MACROD2: variants seen among roughly 807,000 people sequenced by gnomAD.
MACROD2 encodes the protein ADP-ribose glycohydrolase MACROD2.
MACROD2 carries 36 observed loss-of-function variants against 70.4 expected under a neutral mutation model. That is an observed-to-expected ratio of 0.51 (90% confidence interval 0.39 to 0.68). The LOEUF is 0.68. Among genes scored for constraint, MACROD2 ranks in the 30% least tolerant of loss-of-function variants. The pLI is 0.00. For missense variants in MACROD2, 496 were observed against 538.4 expected (o/e 0.92, Z 0.78); for synonymous variants, 172 against 178.8 (o/e 0.96, Z 0.30).
In MACROD2 at chr20:15,124,472, T is replaced by A. The variant is rs1338040435; in HGVS notation, c.419-105468T>A. 2.6e-5 allele frequency among the ~76,000 whole-genome samples: 4 copies of A among 151,748 alleles called. 1 individual carries two copies. The highest frequency in any genetic ancestry group is 5.9e-5 in the Non-Finnish European group (4 of 67,852). ...TTATGTTCTATGAAATGCATATAGA[T>A]TAAGGGAAACTATATATAGCCAACC... is the stretch of plus-strand genomic sequence containing the variant. On this transcript the variant is annotated intron_variant, in intron 5 of 17. Coordinates refer to ENST00000684519, the MANE Select transcript of MACROD2 (RefSeq NM_001351661.2).
chr20:14,755,983 A>C (rs2071935347), intron 5 of MACROD2, among the ~76,000 whole-genome samples: 1 of 152,002 alleles, frequency 6.6e-6, no homozygotes, highest in Admixed American at 6.6e-5. Context: ...AGGGGGGCAA[A>C]ATTTCATTAA....
intron 3 of MACROD2, among the ~76,000 whole-genome samples, chr20:14,388,051 C>T (rs1453933217): frequency 1.3e-5 from 2 of 149,422 alleles, no homozygotes; most frequent in Non-Finnish European, 3.0e-5. Flanking sequence ...GCTCAGTCAC[C>T]CAGGCTGGAG....
At chr20:15,151,043 G>A (rs1047174698) in intron 5 of MACROD2, among the ~76,000 whole-genome samples, 16 of 152,120 alleles carry the variant, frequency 1.1e-4, no homozygotes, top group East Asian at 3.9e-4. Flanking sequence ...AAAGCTCGGC[G>A]TCCACGATGG....
chr20:15,745,023 C>G (rs2051161754), intron 8 of MACROD2, among the ~76,000 whole-genome samples: 1 of 152,080 alleles, frequency 6.6e-6, no homozygotes, highest in African/African-American at 2.4e-5. Context: ...TGGGGACTTT[C>G]CCCAGTCAAT....
intron 8 of MACROD2, among the ~76,000 whole-genome samples, chr20:15,512,632 G>A (rs993109173): frequency 3.9e-5 from 6 of 152,092 alleles, no homozygotes; most frequent in Non-Finnish European, 8.8e-5. Context: ...TAAGCATAGC[G>A]GCAAGAGATG....
At chr20:15,593,837 A>G (rs1412547462) in intron 8 of MACROD2, among the ~76,000 whole-genome samples, 1 of 152,182 alleles carries the variant, frequency 6.6e-6, no homozygotes, top group Non-Finnish European at 1.5e-5. Context: ...TGTTTGTACC[A>G]CACACAATAA....
chr20:16,039,775 G>T (rs1454177691), intron 15 of MACROD2, among the ~76,000 whole-genome samples: 2 of 151,926 alleles, frequency 1.3e-5, no homozygotes, highest in Non-Finnish European at 2.9e-5. Flanking sequence ...CCAGTTGGAA[G>T]TTCCAAGTTT....
chr20:14,394,641 G>A (rs566198517), intron 3 of MACROD2, among the ~76,000 whole-genome samples: 6 of 152,184 alleles, frequency 3.9e-5, no homozygotes, highest in Middle Eastern at 3.4e-3. Flanking sequence ...GAATAGCAGC[G>A]GTGTGAGGAG....
In MACROD2 at chr20:14,150,608, A is replaced by G. The variant is rs182490983; in HGVS notation, c.271+64880A>G. 8.5e-5 allele frequency among the ~76,000 whole-genome samples: 13 copies of G among 152,318 alleles called. No homozygotes were observed. The East Asian group carries it at 2.5e-3, about 29-fold the overall frequency. On this transcript the variant is annotated intron_variant, in intron 3 of 17. Transcript: ENST00000684519. ...ATTATCTCTCATTTTTGATTAGTAC[A>G]GATACAGAATTTTATTTTTCTTTTT...
chr20:15,015,877 T>G (rs1289945724), intron 5 of MACROD2, among the ~76,000 whole-genome samples: 2 of 152,188 alleles, frequency 1.3e-5, no homozygotes, highest in Admixed American at 6.5e-5. Context: ...TGGGTGTCCT[T>G]GAATAGGCCT....
chr20:14,634,674 G>A (rs1471218886), intron 4 of MACROD2, among the ~76,000 whole-genome samples: 1 of 152,012 alleles, frequency 6.6e-6, no homozygotes, highest in Non-Finnish European at 1.5e-5. Context: ...AAATGTTGTG[G>A]GGCATAGAAT....
chr20:14,434,561 A>G (rs1411229218), intron 3 of MACROD2, among the ~76,000 whole-genome samples: 3 of 152,270 alleles, frequency 2.0e-5, no homozygotes, highest in Non-Finnish European at 4.4e-5. Context: ...GGCAAGGATG[A>G]TGTCAGTCTT....
At chr20:14,074,463 T>A (rs547159136) in intron 2 of MACROD2, among the ~76,000 whole-genome samples, 8 of 152,196 alleles carry the variant, frequency 5.3e-5, no homozygotes, top group Non-Finnish European at 1.0e-4. Flanking sequence ...ACCATTGCCC[T>A]ACATGACAGT....
chr20:14,997,618 A>G lies in MACROD2; in HGVS notation c.419-232322A>G, dbSNP rs573128721. Among the ~76,000 whole-genome samples the G allele has an allele frequency of 7.9e-5, 12 of 152,298 alleles. No individual in the cohort carries two copies. The East Asian group carries it at 1.7e-3, about 22-fold the overall frequency. ...ATGATGTAGATTCCTAAAGTTCCCAAATTCATGCCCTTGCTTCTTGACAGC... is the reference window on the plus strand; with the variant it reads ...ATGATGTAGATTCCTAAAGTTCCCAGATTCATGCCCTTGCTTCTTGACAGC... On this transcript the variant is annotated intron_variant, in intron 5 of 17. Coordinates refer to ENST00000684519, the MANE Select transcript of MACROD2 (RefSeq NM_001351661.2).
At chr20:14,285,741 A>C (rs1200584582) in intron 3 of MACROD2, among the ~76,000 whole-genome samples, 3 of 152,090 alleles carry the variant, frequency 2.0e-5, no homozygotes, top group African/African-American at 7.2e-5. Context: ...CCATTGGTAG[A>C]ATATGCACTG....
At chr20:15,311,932 A>C (rs938568492) in intron 6 of MACROD2, among the ~76,000 whole-genome samples, 1 of 152,184 alleles carries the variant, frequency 6.6e-6, no homozygotes, top group African/African-American at 2.4e-5. Context: ...TGAATCTAAA[A>C]TAAAAGTTGA....
At chr20:15,903,351 T>C (rs954937565) in intron 10 of MACROD2, among the ~76,000 whole-genome samples, 2 of 151,926 alleles carry the variant, frequency 1.3e-5, no homozygotes, top group African/African-American at 4.8e-5. Flanking sequence ...AAACACAAAA[T>C]GCTAAAGCCC....
chr20:15,343,801 C>T (rs2078135069), intron 6 of MACROD2, among the ~76,000 whole-genome samples: 1 of 152,178 alleles, frequency 6.6e-6, no homozygotes, highest in Admixed American at 6.5e-5. Flanking sequence ...CCTGTCCATG[C>T]ATTTAGAGTG....
chr20:14,811,832 C>A, intron 5 of MACROD2, among the ~76,000 whole-genome samples: 1 of 152,140 alleles, frequency 6.6e-6, no homozygotes, highest in East Asian at 1.9e-4. Flanking sequence ...AAAAAAAGCT[C>A]ATCATCACTG....
Sources: gnomAD v4.1 joint callset for allele counts (sites outside exome capture counted in the v4.1 genomes callset) on GRCh38, gnomAD v4.1.1 for gene constraint, MANE v1.5 for transcripts, NCBI Gene and HGNC (gene_info 2026-07-23, HGNC 2026-07-21) for gene names.